The following SH3RF3 variants were observed in gnomAD, a reference collection of about 807,000 sequenced individuals.
SH3RF3 encodes E3 ubiquitin-protein ligase SH3RF3.
SH3RF3 carries 29 observed loss-of-function variants against 66.3 expected under a neutral mutation model. The ratio of observed to expected loss-of-function variants is 0.44; its 90% CI spans 0.33 to 0.60. The LOEUF (loss-of-function observed/expected upper bound fraction) is 0.60. Ranked by LOEUF, SH3RF3 falls within the 20% of genes least tolerant of loss-of-function variation. The pLI, the probability that SH3RF3 is intolerant of heterozygous loss-of-function variation, is 0.04. For missense variants in SH3RF3, 1,194 were observed against 1,190.9 expected, an observed-to-expected ratio of 1.00 and a Z score of -0.04; for synonymous variants, 583 against 532.0, an observed-to-expected ratio of 1.10 and a Z score of -1.32.
intron 8 of SH3RF3, among the ~76,000 whole-genome samples, chr2:109,468,465 G>C (rs1678417354): frequency 6.6e-6 from 1 of 152,170 alleles, no homozygotes; most frequent in African/African-American, 2.4e-5. Flanking sequence ...AACACATCAT[G>C]CTGCTTGGTC....
chr2:109,451,760 G>A (rs1677873236), intron 8 of SH3RF3, among the ~76,000 whole-genome samples: 1 of 152,250 alleles, frequency 6.6e-6, no homozygotes, highest in Admixed American at 6.5e-5. Context: ...AAGGCGACAT[G>A]CAGGGACGCC....
chr2:109,320,175 C>T (rs953224159), intron 1 of SH3RF3, among the ~76,000 whole-genome samples: 1 of 152,178 alleles, frequency 6.6e-6, no homozygotes, highest in Non-Finnish European at 1.5e-5. Context: ...TTCTCATGGC[C>T]GTCACAGCCC....
chr2:109,453,485 C>T (rs1434036772), intron 8 of SH3RF3, among the ~76,000 whole-genome samples: 4 of 152,178 alleles, frequency 2.6e-5, no homozygotes, highest in African/African-American at 7.2e-5. Flanking sequence ...CCAGGTGATA[C>T]GAACCCTCAG....
intron 4 of SH3RF3, among the ~76,000 whole-genome samples, chr2:109,410,594 C>T (rs1184140345): frequency 2.6e-5 from 4 of 152,182 alleles, no homozygotes; most frequent in Admixed American, 6.5e-5. Flanking sequence ...GCATCCTGCC[C>T]GAGGGAGGGA....
intron 1 of SH3RF3, among the ~76,000 whole-genome samples, chr2:109,139,859 T>C (rs1437556823): frequency 6.6e-6 from 1 of 152,238 alleles, no homozygotes; most frequent in Non-Finnish European, 1.5e-5. Flanking sequence ...CAGTTTGACA[T>C]CTGGAGTCGT....
chr2:109,244,601 A>G (rs925845267), intron 1 of SH3RF3, among the ~76,000 whole-genome samples: 7 of 152,362 alleles, frequency 4.6e-5, no homozygotes, highest in Non-Finnish European at 7.3e-5. Context: ...AGCTGGCAGG[A>G]TGAGGAAAAC....
intron 1 of SH3RF3, among the ~76,000 whole-genome samples, chr2:109,258,241 G>A (rs1370668786): frequency 1.3e-5 from 2 of 152,136 alleles, no homozygotes; most frequent in African/African-American, 2.4e-5. Context: ...ACAGCCTGGC[G>A]CTGTTTGTAG....
chr2:109,294,250 A>G (rs1212370467), intron 1 of SH3RF3, among the ~76,000 whole-genome samples: 1 of 152,074 alleles, frequency 6.6e-6, no homozygotes, highest in Non-Finnish European at 1.5e-5. Context: ...TGCTCTGAAG[A>G]CAGTGTCCTG....
intron 1 of SH3RF3, among the ~76,000 whole-genome samples, chr2:109,209,743 A>G (rs1427824271): frequency 6.6e-6 from 1 of 152,194 alleles, no homozygotes; most frequent in Non-Finnish European, 1.5e-5. Flanking sequence ...TACAAACCCT[A>G]GGTGAGAGTA....
chr2:109,206,377 G>T (rs1439624722), intron 1 of SH3RF3, among the ~76,000 whole-genome samples: 1 of 150,486 alleles, frequency 6.6e-6, no homozygotes, highest in African/African-American at 2.4e-5. Context: ...TGTAGTCCCA[G>T]CTACTCAGGA....
chr2:109,455,195 G>A (rs115235209), intron 8 of SH3RF3, among the ~76,000 whole-genome samples: 350 of 152,258 alleles, frequency 2.3e-3, no homozygotes, highest in African/African-American at 7.8e-3. Context: ...GTCATGGCCC[G>A]TCCAGGAGTC....
intron 1 of SH3RF3, among the ~76,000 whole-genome samples, chr2:109,293,681 GA>G (rs1433169794): frequency 6.6e-6 from 1 of 152,222 alleles, no homozygotes; most frequent in East Asian, 1.9e-4. Flanking sequence ...AGTTACATCG[GA>G]AAGTGAGTGT....
At chr2:109,154,527 T>A (rs1230968541) in intron 1 of SH3RF3, among the ~76,000 whole-genome samples, 1 of 152,102 alleles carries the variant, frequency 6.6e-6, no homozygotes, top group Admixed American at 6.5e-5. Context: ...TCTTCACTGG[T>A]GAAGAAACCA....
At chr2:109,442,180 G>A (rs867660254) in intron 7 of SH3RF3, among the ~76,000 whole-genome samples, 57 of 152,032 alleles carry the variant, frequency 3.7e-4, no homozygotes, top group African/African-American at 1.3e-3. Context: ...GCGTGTTGGC[G>A]GGCGCCTGTA....
chr2:109,456,542 G>A (rs1482667817), intron 8 of SH3RF3, among the ~76,000 whole-genome samples: 2 of 152,224 alleles, frequency 1.3e-5, no homozygotes, highest in Non-Finnish European at 2.9e-5. Flanking sequence ...CAGTGGCCCA[G>A]CCTGGTCTGA....
In SH3RF3 at chr2:109,335,816, G is replaced by A. The variant is rs148534839; in HGVS notation, c.574-11858G>A. Reference sequence around the variant, plus strand: ...AAACCACTTCCTACCTTACGCGGCTGTAGAGAGGATAAGAATGAAAGTTAA... The same window carrying A: ...AAACCACTTCCTACCTTACGCGGCTATAGAGAGGATAAGAATGAAAGTTAA... On this transcript the variant is annotated intron_variant, in intron 1 of 9. Coordinates refer to ENST00000309415, the MANE Select transcript of SH3RF3 (RefSeq NM_001099289.3). Among the ~76,000 whole-genome samples the A allele has an allele frequency of 3.5e-3, 526 of 152,300 alleles. 5 individuals carry two copies. The highest frequency in any genetic ancestry group is 0.012 in the African/African-American group (492 of 41,548).
chr2:109,489,930 G>T (rs1445296936), intron 8 of SH3RF3, among the ~76,000 whole-genome samples: 1 of 152,178 alleles, frequency 6.6e-6, no homozygotes. Flanking sequence ...TAGAGACAGG[G>T]TTTCACCATG....
rs146231332 is a variant in SH3RF3, at chr2:109,209,005, G to T, written c.573+78892G>T. Among the ~76,000 whole-genome samples the T allele has an allele frequency of 5.5e-3, 835 of 152,314 alleles. 6 individuals carry two copies. Among genetic ancestry groups the T allele is most frequent in the Non-Finnish European group, 9.4e-3 (638 of 68,032 alleles). ...GTTCACAGAGGCCCGACATCAACAC[G>T]GACATATGGACCCAGAGTGGCAGTG... On this transcript the variant is annotated intron_variant, in intron 1 of 9. Coordinates refer to ENST00000309415, the MANE Select transcript of SH3RF3 (RefSeq NM_001099289.3).
At chr2:109,419,906 G>A (rs955197512) in intron 5 of SH3RF3, among the ~76,000 whole-genome samples, 1 of 152,244 alleles carries the variant, frequency 6.6e-6, no homozygotes, top group Non-Finnish European at 1.5e-5. Flanking sequence ...CCAGTCAACA[G>A]GAGAGGAGCC....
Sources: gnomAD v4.1 joint callset for allele counts (sites outside exome capture counted in the v4.1 genomes callset) on GRCh38, gnomAD v4.1.1 for gene constraint, MANE v1.5 for transcripts, NCBI Gene and HGNC (gene_info 2026-07-23, HGNC 2026-07-21) for gene names.